ACTR3B: variants seen among roughly 807,000 people sequenced by gnomAD.
The protein encoded by ACTR3B is actin related protein 3B, also known as actin-related protein 3B.
Under a neutral mutation model 59.0 loss-of-function variants are expected in ACTR3B, and 8 were observed. The observed-to-expected ratio is 0.14, with a 90% confidence interval of 0.08 to 0.24. The LOEUF is 0.24. ACTR3B is among the 10% of genes least tolerant of loss of function. The probability of loss-of-function intolerance (pLI) is 1.00; values close to 1 mark genes in which losing one functional copy is unlikely to be tolerated. For synonymous variants in ACTR3B, 148 were observed against 197.9 expected, an observed-to-expected ratio of 0.75 and a Z score of 2.12; for missense variants, 245 against 552.3, an observed-to-expected ratio of 0.44 and a Z score of 5.58.
intron 10 of ACTR3B, among the ~76,000 whole-genome samples, chr7:152,852,661 C>T (rs1798908199): frequency 6.6e-6 from 1 of 152,196 alleles, no homozygotes; most frequent in Non-Finnish European, 1.5e-5. Flanking sequence ...CAAGGCGTTC[C>T]TCCAAGATAG....
intron 1 of ACTR3B, among the ~76,000 whole-genome samples, chr7:152,779,417 A>G (rs1315690578): frequency 1.3e-5 from 2 of 152,186 alleles, no homozygotes; most frequent in African/African-American, 4.8e-5. Flanking sequence ...TCCTGTAACT[A>G]ATAGGTAAAC....
chr7:152,767,571 T>C (rs911637391), intron 1 of ACTR3B, among the ~76,000 whole-genome samples: 1 of 152,216 alleles, frequency 6.6e-6, no homozygotes, highest in African/African-American at 2.4e-5. Context: ...AACTTAAAAA[T>C]TAATTTAATG....
chr7:152,804,349 C>T lies in ACTR3B; in HGVS notation c.336+2618C>T, dbSNP rs142714642. 5.4e-4 allele frequency among the ~76,000 whole-genome samples: 82 copies of T among 152,268 alleles called. 1 individual carries two copies. Among genetic ancestry groups the T allele is most frequent in the African/African-American group, 1.6e-3 (67 of 41,550 alleles). On this transcript the variant is annotated intron_variant, in intron 4 of 11. Transcript: ENST00000256001. ...AGAGCAAACAAGCAGCACATGCAGACGACCAGCAATGAGAGGGCGTGGTGA... is the reference window on the plus strand; with the variant it reads ...AGAGCAAACAAGCAGCACATGCAGATGACCAGCAATGAGAGGGCGTGGTGA...
chr7:152,760,139 A>G (rs1418826852), intron 1 of ACTR3B, among the ~76,000 whole-genome samples: 2 of 152,126 alleles, frequency 1.3e-5, no homozygotes, highest in Admixed American at 1.3e-4. Flanking sequence ...CACAAGAGGA[A>G]AAGCACGGAG....
intron 2 of ACTR3B, among the ~76,000 whole-genome samples, chr7:152,792,814 C>T (rs1249508034): frequency 1.3e-5 from 2 of 152,008 alleles, no homozygotes; most frequent in African/African-American, 4.8e-5. Context: ...CTGAACATCC[C>T]AAGCCATTCT....
At chr7:152,834,895 A>G (rs1797321263) in intron 9 of ACTR3B, among the ~76,000 whole-genome samples, 2 of 152,198 alleles carry the variant, frequency 1.3e-5, no homozygotes, top group Non-Finnish European at 2.9e-5. Context: ...TTGGATTTCC[A>G]GTTGCAGTTC....
chr7:152,828,367 T>C (rs558620364), intron 9 of ACTR3B, among the ~76,000 whole-genome samples: 1 of 152,242 alleles, frequency 6.6e-6, no homozygotes, highest in East Asian at 1.9e-4. Context: ...AGATGGACTC[T>C]CGCTGTGTGG....
intron 1 of ACTR3B, among the ~76,000 whole-genome samples, chr7:152,768,099 T>C (rs967780252): frequency 6.6e-6 from 1 of 152,226 alleles, no homozygotes; most frequent in African/African-American, 2.4e-5. Flanking sequence ...GGCACACGCC[T>C]GTAATCCCAG....
intron 9 of ACTR3B, among the ~76,000 whole-genome samples, chr7:152,842,612 A>G (rs1563151661): frequency 6.6e-6 from 1 of 152,156 alleles, no homozygotes; most frequent in African/African-American, 2.4e-5. Flanking sequence ...TGAGGTGTGC[A>G]TGTCATTTGA....
chr7:152,817,526 G>T lies in ACTR3B; in HGVS notation c.540+938G>T, dbSNP rs556634535. 2.7e-3 allele frequency among the ~76,000 whole-genome samples: 413 copies of T among 152,258 alleles called. 1 individual carries two copies. Among genetic ancestry groups the T allele is most frequent in the Non-Finnish European group, 3.7e-3 (252 of 68,022 alleles). On this transcript the variant is annotated intron_variant, in intron 6 of 11. Coordinates refer to ENST00000256001, the MANE Select transcript of ACTR3B (RefSeq NM_020445.6). ...TCTGAATTTTTCTTTTGGTCCAATG[G>T]ACTATTTAAAGGAATTATCTTAAAT...
chr7:152,822,302 T>A (rs529843961), intron 7 of ACTR3B, among the ~76,000 whole-genome samples: 1 of 152,342 alleles, frequency 6.6e-6, no homozygotes, highest in South Asian at 2.1e-4. Context: ...CACGGTGTGC[T>A]CAGCGCCAGC....
intron 9 of ACTR3B, among the ~76,000 whole-genome samples, chr7:152,828,087 C>G (rs1318272894): frequency 6.6e-6 from 1 of 151,958 alleles, no homozygotes; most frequent in Non-Finnish European, 1.5e-5. Flanking sequence ...TTTACAAAAG[C>G]AGGAGAGAGC....
chr7:152,784,098 A>G (rs1421051582), intron 2 of ACTR3B, among the ~76,000 whole-genome samples: 7 of 152,302 alleles, frequency 4.6e-5, no homozygotes, highest in African/African-American at 1.7e-4. Context: ...CTCAAAAAAA[A>G]AAAAAGATAG....
At chr7:152,805,693 C>A (rs554374644) in intron 4 of ACTR3B, among the ~76,000 whole-genome samples, 2 of 152,234 alleles carry the variant, frequency 1.3e-5, no homozygotes, top group African/African-American at 4.8e-5. Flanking sequence ...TTGTGCACTT[C>A]ACTAACCAGT....
rs1371447098 is a variant in ACTR3B at position 152,777,588 on chromosome 7, T to C, written c.45-5599T>C. ...TATTCATTTAGTAACTGGTCATCTT[T>C]TTGAATTCCCTTATTGCTTTAGTTT... On this transcript the variant is annotated intron_variant, in intron 1 of 11. Coordinates refer to ENST00000256001, the MANE Select transcript of ACTR3B (RefSeq NM_020445.6). Among the ~76,000 whole-genome samples the C allele has an allele frequency of 2.0e-5, 3 of 152,246 alleles. No homozygotes were observed. The East Asian group carries it at 5.8e-4, about 29-fold the overall frequency.
intron 9 of ACTR3B, among the ~76,000 whole-genome samples, chr7:152,851,593 G>A (rs1408638851): frequency 1.3e-5 from 2 of 152,196 alleles, no homozygotes; most frequent in African/African-American, 2.4e-5. Context: ...GCCCCCCACC[G>A]AGCTTCTGGG....
intron 2 of ACTR3B, among the ~76,000 whole-genome samples, chr7:152,798,299 T>G (rs1463181511): frequency 6.6e-6 from 1 of 152,244 alleles, no homozygotes; most frequent in Admixed American, 6.5e-5. Flanking sequence ...ATGTTGAGCA[T>G]TTTTTCATAT....
chr7:152,830,493 G>T (rs1272089249), intron 9 of ACTR3B, among the ~76,000 whole-genome samples: 1 of 152,196 alleles, frequency 6.6e-6, no homozygotes, highest in Non-Finnish European at 1.5e-5. Flanking sequence ...TTATGTTAAT[G>T]CATTTTAAAC....
chr7:152,781,152 A>G (rs2098151935), intron 1 of ACTR3B, among the ~76,000 whole-genome samples: 1 of 144,666 alleles, frequency 6.9e-6, no homozygotes, highest in Non-Finnish European at 1.5e-5. Flanking sequence ...TTAGCACCTA[A>G]TTTTAATAAA....
Sources: allele counts gnomAD v4.1 joint callset (sites outside exome capture counted in the v4.1 genomes callset), GRCh38; gene constraint gnomAD v4.1.1; transcripts MANE v1.5; gene names NCBI Gene and HGNC (gene_info 2026-07-23, HGNC 2026-07-21).